NXPE2: variants seen among roughly 807,000 people sequenced by gnomAD.
NXPE2 encodes NXPE family member 2.
Under a neutral mutation model 34.4 loss-of-function variants are expected in NXPE2, and 34 were observed. That is an observed-to-expected ratio of 0.99 (90% CI 0.75 to 1.31). NXPE2 has a LOEUF of 1.31. Among genes scored for constraint, NXPE2 ranks in the 40% most tolerant of loss-of-function variants. NXPE2 has a pLI of 0.00. For missense variants in NXPE2, 649 were observed against 672.5 expected, an observed-to-expected ratio of 0.97 and a Z score of 0.39; for synonymous variants, 235 against 231.3, an observed-to-expected ratio of 1.02 and a Z score of -0.15.
the NXPE2 span, among the ~76,000 whole-genome samples, chr11:114,591,206 C>G: frequency 1.1e-3 from 165 of 152,352 alleles, 1 homozygote; most frequent in African/African-American, 3.7e-3. Context: ...GCTCAACTAG[C>G]TGAACTGACA....
chr11:114,798,938 G>A, the NXPE2 span, among the ~76,000 whole-genome samples: 3,400 of 152,172 alleles, frequency 0.022, 135 homozygotes, highest in African/African-American at 0.077. Context: ...GCTGCCTCAC[G>A]CGCTTTCTCC....
the NXPE2 span, chr11:114,571,216 T>A: frequency 1.3e-4 from 216 of 1,614,026 alleles, no homozygotes; most frequent in African/African-American, 1.9e-3. Flanking sequence ...TTGTGGACAT[T>A]GAGGGCCCTT....
chr11:114,705,551 A>C (rs1317591844), intron 4 of NXPE2, among the ~76,000 whole-genome samples: 4 of 152,206 alleles, frequency 2.6e-5, no homozygotes, highest in Admixed American at 1.3e-4. Context: ...TTGCAAATGC[A>C]CAAGAGTCAA....
At chr11:114,595,611 C>T in the NXPE2 span, 1 of 152,304 alleles carries the variant, frequency 6.6e-6, no homozygotes, top group Non-Finnish European at 1.5e-5. Flanking sequence ...ACAGATTGTT[C>T]AATCCCATAC....
chr11:114,617,371 C>T, the NXPE2 span, among the ~76,000 whole-genome samples: 2 of 151,746 alleles, frequency 1.3e-5, no homozygotes, highest in Non-Finnish European at 2.9e-5. Context: ...CATTGGTAAC[C>T]ACTGTTACCC....
chr11:114,725,967 T>TA, the NXPE2 span, among the ~76,000 whole-genome samples: 24 of 77,026 alleles, frequency 3.1e-4, 1 homozygote, highest in African/African-American at 5.6e-4. Context: ...TAAAGTATAA[T>TA]AAAAAAAAAA....
chr11:114,502,053 A>G, the NXPE2 span, among the ~76,000 whole-genome samples: 2 of 152,192 alleles, frequency 1.3e-5, no homozygotes, highest in African/African-American at 4.8e-5. Context: ...TGTCTTGTGC[A>G]TTGTAACACG....
the NXPE2 span, among the ~76,000 whole-genome samples, chr11:114,573,447 C>T: frequency 7.1e-6 from 1 of 140,876 alleles, no homozygotes. Flanking sequence ...AGCCAAGTTT[C>T]TGCTGTCTTC....
chr11:114,536,464 A>T, the NXPE2 span, among the ~76,000 whole-genome samples: 1 of 152,166 alleles, frequency 6.6e-6, no homozygotes, highest in Non-Finnish European at 1.5e-5. Flanking sequence ...GAGACAAAAA[A>T]CCCTTCAAAA....
chr11:114,797,227 C>T, the NXPE2 span, among the ~76,000 whole-genome samples: 2 of 152,188 alleles, frequency 1.3e-5, no homozygotes, highest in Non-Finnish European at 2.9e-5. Flanking sequence ...ATCACTATAT[C>T]CCAAGTGCCT....
chr11:114,804,362 T>A, the NXPE2 span, among the ~76,000 whole-genome samples: 1 of 152,196 alleles, frequency 6.6e-6, no homozygotes, highest in African/African-American at 2.4e-5. Flanking sequence ...CATCTCCAGC[T>A]AGATTCTATG....
chr11:114,600,320 A>C, the NXPE2 span, among the ~76,000 whole-genome samples: 1 of 152,144 alleles, frequency 6.6e-6, no homozygotes, highest in Non-Finnish European at 1.5e-5. Context: ...CTCATTTAAA[A>C]GTCAAAACAA....
At chr11:114,667,014 C>T in the NXPE2 span, among the ~76,000 whole-genome samples, 2 of 152,104 alleles carry the variant, frequency 1.3e-5, no homozygotes, top group Admixed American at 6.6e-5. Flanking sequence ...CAACATCTAA[C>T]GTCCTCACTT....
At chr11:114,571,889 G>A in the NXPE2 span, among the ~76,000 whole-genome samples, 1 of 152,216 alleles carries the variant, frequency 6.6e-6, no homozygotes, top group African/African-American at 2.4e-5. Flanking sequence ...CCTGCCTGTA[G>A]GACAGCAGCT....
At chr11:114,691,238 T>TGG (rs1951143363) in intron 2 of NXPE2, among the ~76,000 whole-genome samples, 1 of 152,106 alleles carries the variant, frequency 6.6e-6, no homozygotes, top group Non-Finnish European at 1.5e-5. Flanking sequence ...TGCCATCATT[T>TGG]GGATAGGGAT....
chr11:114,779,762 G>A, the NXPE2 span, among the ~76,000 whole-genome samples: 1 of 152,032 alleles, frequency 6.6e-6, no homozygotes, highest in Non-Finnish European at 1.5e-5. Flanking sequence ...ACCCTGAAAG[G>A]ACTCGCTCGC....
chr11:114,690,378 T>A (rs1190026115), intron 2 of NXPE2, among the ~76,000 whole-genome samples: 3 of 152,176 alleles, frequency 2.0e-5, no homozygotes, highest in Non-Finnish European at 4.4e-5. Context: ...AGATATGAAA[T>A]TCTTGGCTAG....
At chr11:114,596,201 T>C in the NXPE2 span, among the ~76,000 whole-genome samples, 1 of 152,186 alleles carries the variant, frequency 6.6e-6, no homozygotes, top group Admixed American at 6.5e-5. Context: ...CTAAAAGAAC[T>C]TCAAATATAA....
chr11:114,473,883 G>A, the NXPE2 span, among the ~76,000 whole-genome samples: 1 of 152,054 alleles, frequency 6.6e-6, no homozygotes, highest in Non-Finnish European at 1.5e-5. Flanking sequence ...CCTCTAAAAC[G>A]GGAATAGCTC....
Sources: gnomAD v4.1 joint callset for allele counts (sites outside exome capture counted in the v4.1 genomes callset) on GRCh38, gnomAD v4.1.1 for gene constraint, MANE v1.5 for transcripts, NCBI Gene and HGNC (gene_info 2026-07-23, HGNC 2026-07-21) for gene names.